Variants in LTA4H observed in about 807,000 individuals in gnomAD.
LTA4H encodes leukotriene A4 hydrolase.
Under a neutral mutation model 89.8 loss-of-function variants are expected in LTA4H, and 59 were observed. The ratio of observed to expected loss-of-function variants is 0.66; its 90% CI spans 0.53 to 0.82. The LOEUF is 0.82. Ranked by LOEUF, LTA4H falls within the 40% of genes least tolerant of loss-of-function variation. The probability of loss-of-function intolerance (pLI) is 0.00; values close to 1 mark genes in which losing one functional copy is unlikely to be tolerated. For synonymous variants in LTA4H, 227 were observed against 253.1 expected (o/e 0.90, Z 0.98); for missense variants, 617 against 727.0 (o/e 0.85, Z 1.74).
chr12:96,028,322 A>G (rs1051151876), intron 2 of LTA4H, among the ~76,000 whole-genome samples: 1 of 152,156 alleles, frequency 6.6e-6, no homozygotes, highest in African/African-American at 2.4e-5. Flanking sequence ...TTCCTTGTAG[A>G]ATGGGGTGAA....
intron 1 of LTA4H, 45 bp from the exon 2 acceptor site, chr12:96,029,230 C>A (rs748753959): frequency 2.6e-6 from 3 of 1,166,794 alleles, no homozygotes; most frequent in South Asian, 1.6e-5. Context: ...TTTCATTTAC[C>A]AGAAAAAACT....
At chr12:96,019,043 T>C in intron 7 of LTA4H, 125 bp downstream of exon 7, 1 of 1,132,764 alleles carries the variant, frequency 8.8e-7, no homozygotes, top group Non-Finnish European at 1.3e-6. Context: ...ATGTAGCAAC[T>C]ACACATCTAC....
chr12:96,021,205 A>G (rs1950448942), intron 5 of LTA4H, 68 bp from the exon 6 acceptor site: 2 of 1,195,512 alleles, frequency 1.7e-6, no homozygotes, highest in Non-Finnish European at 2.3e-6. Context: ...ACAGTAAGAC[A>G]ATTCATATTT....
chr12:96,003,953 T>A, intron 16 of LTA4H, 33 bp from the exon 17 acceptor site: 1 of 1,331,938 alleles, frequency 7.5e-7, no homozygotes, highest in Non-Finnish European at 1.1e-6. Context: ...TACCGTATCA[T>A]TTCAACAGGA....
At chr12:96,020,372 C>T (rs1235035622) in intron 6 of LTA4H, among the ~76,000 whole-genome samples, 2 of 152,140 alleles carry the variant, frequency 1.3e-5, no homozygotes, top group Non-Finnish European at 2.9e-5. Context: ...ATAAGCCAGA[C>T]ACAAAGAGAT....
chr12:96,016,336 C>T (rs904871520), intron 10 of LTA4H, among the ~76,000 whole-genome samples: 2 of 145,942 alleles, frequency 1.4e-5, no homozygotes, highest in East Asian at 4.0e-4. Flanking sequence ...GTTGGCTGGG[C>T]GTGGCGGCTT....
At chr12:96,027,300 C>A in intron 3 of LTA4H, 144 bp downstream of exon 3, 2 of 583,344 alleles carry the variant, frequency 3.4e-6, no homozygotes, top group Non-Finnish European at 5.5e-6. Context: ...ATATATAATT[C>A]ATCTTATATG....
chr12:96,037,061 T>A (rs558181450), upstream of LTA4H, among the ~76,000 whole-genome samples: 25 of 152,318 alleles, frequency 1.6e-4, no homozygotes, highest in African/African-American at 5.3e-4. Flanking sequence ...AGGCCCTACC[T>A]CCAACACTGG....
rs374648830 is a variant in LTA4H, at chr12:96,034,898, G to A, written c.159+463C>T. On this transcript the variant is annotated intron_variant, in intron 1 of 18. Transcript: ENST00000228740. Reference sequence around the variant, plus strand: ...ATTGTTGACTGAGGAAGGTGCCCAGGGGGCTGGGAAAAGTCTGGGGCCTGA... The same window carrying A: ...ATTGTTGACTGAGGAAGGTGCCCAGAGGGCTGGGAAAAGTCTGGGGCCTGA... 4.6e-5 allele frequency among the ~76,000 whole-genome samples: 7 copies of A among 152,374 alleles called. No homozygotes were observed. In the South Asian group the frequency reaches 1.2e-3, roughly 27 times the overall value.
At chr12:96,033,928 C>T (rs936908085) in intron 1 of LTA4H, among the ~76,000 whole-genome samples, 3 of 152,220 alleles carry the variant, frequency 2.0e-5, no homozygotes, top group African/African-American at 7.2e-5. Context: ...GAAATAGATG[C>T]CTTCCTGCTT....
upstream of LTA4H, among the ~76,000 whole-genome samples, chr12:96,037,029 C>T (rs1018682990): frequency 2.6e-5 from 4 of 152,206 alleles, no homozygotes; most frequent in Admixed American, 6.5e-5. Context: ...GCTCTGCCCC[C>T]GTGACCCAAA....
upstream of LTA4H, among the ~76,000 whole-genome samples, chr12:96,036,104 GT>G (rs968978867): frequency 6.7e-6 from 1 of 149,396 alleles, no homozygotes; most frequent in Non-Finnish European, 1.5e-5. Context: ...CACAGTAATT[GT>G]TTTTTGTTTT....
chr12:96,043,453 C>T, exon 1 of LTA4H: 2 of 893,316 alleles, frequency 2.2e-6, no homozygotes, highest in Non-Finnish European at 3.5e-6. Flanking sequence ...TGCCCTCTTC[C>T]CTTGTTGCTT....
In LTA4H at chr12:96,019,151, A is replaced by G; in HGVS notation, c.711+17T>C. Reference sequence around the variant, plus strand: ...CTGTCTATCACAATGATTACAAAGGATAACTAAATGACCAACCTCAGAAAA... The same window carrying G: ...CTGTCTATCACAATGATTACAAAGGGTAACTAAATGACCAACCTCAGAAAA... On this transcript the variant is annotated intron_variant, in intron 7 of 18. Coordinates refer to ENST00000228740, the MANE Select transcript of LTA4H (RefSeq NM_000895.3). The G allele has an allele frequency of 6.2e-7, 1 of 1,603,700 alleles. No homozygotes were observed. Among genetic ancestry groups the G allele is most frequent in the South Asian group, 1.1e-5 (1 of 89,342 alleles).
At chr12:96,008,437 C>T (rs941299023) in intron 15 of LTA4H, among the ~76,000 whole-genome samples, 1 of 152,020 alleles carries the variant, frequency 6.6e-6, no homozygotes, top group Non-Finnish European at 1.5e-5. Context: ...GCTGGTCACC[C>T]AAGATCATTT....
In LTA4H at chr12:96,014,989, A is replaced by G; in HGVS notation, c.1070T>C (p.Phe357Ser). The stretch of plus-strand genomic sequence containing the variant: ...TTTGGTGAAAGGATGTGTCTCCCCA[A>G]ATGTCTTTACCTGCAAGACATGAAA... ...WGELQNSVKT[F>S]GETHPFTKLV... Residue 357 changes from phenylalanine to serine, a missense_variant, in exon 12 of 19, where the codon TTT becomes TCT. Coordinates refer to ENST00000228740, the MANE Select transcript of LTA4H (RefSeq NM_000895.3). 6.2e-7 allele frequency: 1 copy of G among 1,610,038 alleles called. No homozygotes were observed. Among genetic ancestry groups the G allele is most frequent in the Non-Finnish European group, 8.5e-7 (1 of 1,178,904 alleles).
At chr12:96,018,270 G>A (rs1475674512) in intron 8 of LTA4H, among the ~76,000 whole-genome samples, 1 of 152,164 alleles carries the variant, frequency 6.6e-6, no homozygotes, top group African/African-American at 2.4e-5. Context: ...CAAGATGGAG[G>A]CCTGGTGGGG....
chr12:96,017,214 T>G (rs1950391876), intron 9 of LTA4H, 100 bp from the exon 10 acceptor site: 1 of 845,090 alleles, frequency 1.2e-6, no homozygotes, highest in Non-Finnish European at 1.9e-6. Flanking sequence ...TTAAAAAATA[T>G]TAGCTGAGAT....
intron 18 of LTA4H, among the ~76,000 whole-genome samples, chr12:96,002,199 C>T (rs1950116268): frequency 1.3e-5 from 2 of 152,188 alleles, no homozygotes; most frequent in Non-Finnish European, 2.9e-5. Context: ...GTATACTTTA[C>T]TCAATTCAAA....
Sources: allele counts gnomAD v4.1 joint callset (sites outside exome capture counted in the v4.1 genomes callset), GRCh38; gene constraint gnomAD v4.1.1; transcripts MANE v1.5; gene names NCBI Gene and HGNC (gene_info 2026-07-23, HGNC 2026-07-21).